The following MAF variants were observed in gnomAD, a reference collection of about 807,000 sequenced individuals.
MAF encodes MAF bZIP transcription factor, also known as transcription factor Maf.
MAF carries 10 observed loss-of-function variants against 22.0 expected under a neutral mutation model. That is an observed-to-expected ratio of 0.45 (90% confidence interval 0.28 to 0.77). The LOEUF is 0.77. Among genes scored for constraint, MAF ranks in the 30% least tolerant of loss-of-function variants. The pLI is 0.12. For synonymous variants in MAF, 337 were observed against 255.8 expected (o/e 1.32, Z -3.03); for missense variants, 544 against 548.4 (o/e 0.99, Z 0.08).
chr16:79,398,531 C>A, the MAF span, among the ~76,000 whole-genome samples: 1 of 152,220 alleles, frequency 6.6e-6, no homozygotes, highest in Admixed American at 6.5e-5. Context: ...CCTTCCAGGA[C>A]TCATGGAACC....
At chr16:79,328,222 T>C in the MAF span, among the ~76,000 whole-genome samples, 4 of 152,168 alleles carry the variant, frequency 2.6e-5, no homozygotes, top group African/African-American at 4.8e-5. Flanking sequence ...TCAGAGGGCA[T>C]TGCCTGGCCA....
At chr16:79,474,254 C>A in the MAF span, among the ~76,000 whole-genome samples, 1 of 152,212 alleles carries the variant, frequency 6.6e-6, no homozygotes, top group Admixed American at 6.5e-5. Flanking sequence ...GAAACCTTAA[C>A]GCATTTTGTA....
chr16:79,339,046 T>G, the MAF span, among the ~76,000 whole-genome samples: 1 of 151,822 alleles, frequency 6.6e-6, no homozygotes, highest in African/African-American at 2.4e-5. Flanking sequence ...GCTTTTTAAT[T>G]TTTTATTTTT....
chr16:79,211,122 G>A, the MAF span, among the ~76,000 whole-genome samples: 1 of 151,928 alleles, frequency 6.6e-6, no homozygotes, highest in Non-Finnish European at 1.5e-5. Flanking sequence ...AAAGCATAAA[G>A]GGATGATCTG....
chr16:79,233,953 C>G, the MAF span, among the ~76,000 whole-genome samples: 1 of 149,928 alleles, frequency 6.7e-6, no homozygotes, highest in African/African-American at 2.5e-5. Context: ...GATCACTCAA[C>G]TGCACTCCAG....
At chr16:79,483,804 TAAG>T in the MAF span, among the ~76,000 whole-genome samples, 152 of 152,196 alleles carry the variant, frequency 1.0e-3, no homozygotes, top group African/African-American at 3.5e-3. Context: ...TGAGAAAGAA[TAAG>T]GTCTCCATCC....
chr16:79,557,940 C>T, the MAF span, among the ~76,000 whole-genome samples: 2 of 150,834 alleles, frequency 1.3e-5, no homozygotes, highest in Non-Finnish European at 3.0e-5. Flanking sequence ...ACATTTAAGC[C>T]AAGGCCTGAT....
the MAF span, among the ~76,000 whole-genome samples, chr16:79,257,241 G>A: frequency 6.6e-6 from 1 of 152,026 alleles, no homozygotes; most frequent in African/African-American, 2.4e-5. Context: ...TCTGAATGAG[G>A]TGTGTTGTTT....
chr16:79,400,070 A>G, the MAF span, among the ~76,000 whole-genome samples: 1 of 152,086 alleles, frequency 6.6e-6, no homozygotes, highest in Non-Finnish European at 1.5e-5. Flanking sequence ...TCCAGGGGAG[A>G]GTTGACAATA....
At chr16:79,394,881 AC>A in the MAF span, among the ~76,000 whole-genome samples, 2 of 152,114 alleles carry the variant, frequency 1.3e-5, no homozygotes, top group African/African-American at 4.8e-5. Flanking sequence ...GTGTACCAGA[AC>A]ATCTGCTGTT....
the MAF span, among the ~76,000 whole-genome samples, chr16:79,324,181 A>G: frequency 6.6e-6 from 1 of 152,220 alleles, no homozygotes; most frequent in Non-Finnish European, 1.5e-5. Context: ...AAATGTGGGC[A>G]TGAGTAGCGC....
At chr16:79,497,386 C>T in the MAF span, among the ~76,000 whole-genome samples, 7 of 152,192 alleles carry the variant, frequency 4.6e-5, no homozygotes, top group Non-Finnish European at 1.0e-4. Context: ...CCCACTCCAC[C>T]CGCCTGCTTC....
the MAF span, among the ~76,000 whole-genome samples, chr16:79,356,557 T>G: frequency 1.7e-4 from 26 of 152,282 alleles, no homozygotes; most frequent in African/African-American, 6.3e-4. Context: ...TCCCTGAAGA[T>G]TCACACCCCT....
At chr16:79,580,393 T>G in the MAF span, among the ~76,000 whole-genome samples, 1 of 152,220 alleles carries the variant, frequency 6.6e-6, no homozygotes, top group African/African-American at 2.4e-5. Context: ...ACATGCTGAC[T>G]AGAATGCCTA....
the MAF span, among the ~76,000 whole-genome samples, chr16:79,489,695 T>C: frequency 6.6e-6 from 1 of 152,200 alleles, no homozygotes; most frequent in Admixed American, 6.5e-5. Flanking sequence ...TTAAACTTCC[T>C]TGCAGGGCAG....
the MAF span, among the ~76,000 whole-genome samples, chr16:79,427,324 G>T: frequency 3.9e-5 from 6 of 152,312 alleles, no homozygotes; most frequent in Non-Finnish European, 8.8e-5. Context: ...AGGGCACTTT[G>T]CTTGTCCATC....
At chr16:79,269,387 C>T in the MAF span, among the ~76,000 whole-genome samples, 17 of 152,100 alleles carry the variant, frequency 1.1e-4, no homozygotes, top group African/African-American at 3.4e-4. Context: ...TCACCATGGC[C>T]GTGAAGCCCT....
At chr16:79,363,897 T>G in the MAF span, among the ~76,000 whole-genome samples, 1 of 152,114 alleles carries the variant, frequency 6.6e-6, no homozygotes, top group East Asian at 1.9e-4. Flanking sequence ...TCAGTATAGT[T>G]CAGTGTAAGG....
At chr16:79,398,844 G>T in the MAF span, among the ~76,000 whole-genome samples, 1 of 152,168 alleles carries the variant, frequency 6.6e-6, no homozygotes, top group Non-Finnish European at 1.5e-5. Context: ...CCCCAGTTGA[G>T]CTAGGCCAGG....
Sources: gnomAD v4.1 joint callset for allele counts (sites outside exome capture counted in the v4.1 genomes callset) on GRCh38, gnomAD v4.1.1 for gene constraint, MANE v1.5 for transcripts, NCBI Gene and HGNC (gene_info 2026-07-23, HGNC 2026-07-21) for gene names.